The following DPP10 variants were observed in gnomAD, a reference collection of about 807,000 sequenced individuals.
DPP10 encodes inactive dipeptidyl peptidase 10.
In DPP10, 33 loss-of-function variants were observed where a neutral mutation model predicts 120.9. The ratio of observed to expected loss-of-function variants is 0.27; its 90% CI spans 0.21 to 0.37. The LOEUF is 0.37. Among genes scored for constraint, DPP10 ranks in the 10% least tolerant of loss-of-function variants. DPP10 has a pLI of 1.00. For synonymous variants in DPP10, 337 were observed against 326.1 expected (o/e 1.03, Z -0.36); for missense variants, 816 against 942.8 (o/e 0.87, Z 1.76).
chr2:115,328,405 A>G (rs1233515298), intron 2 of DPP10, among the ~76,000 whole-genome samples: 1 of 152,084 alleles, frequency 6.6e-6, no homozygotes, highest in Non-Finnish European at 1.5e-5. Flanking sequence ...ACTATGAGTA[A>G]ATCCTAAAGC....
At chr2:115,291,575 G>A (rs1010057526) in intron 1 of DPP10, among the ~76,000 whole-genome samples, 3 of 152,042 alleles carry the variant, frequency 2.0e-5, no homozygotes, top group African/African-American at 7.2e-5. Flanking sequence ...TATATGCCCA[G>A]TGTATCAATA....
intron 5 of DPP10, among the ~76,000 whole-genome samples, chr2:115,660,655 C>CTTTTTTTTTTTTTTTTTTCTTTTT (rs2088853196): frequency 4.0e-5 from 1 of 25,314 alleles, no homozygotes; most frequent in Non-Finnish European, 8.7e-5. Flanking sequence ...CTCTGTCTGG[C>CTTTTTTTTTTTTTTTTTTCTTTTT]TTTTTTTTTT....
At chr2:114,688,026 T>G (rs560721788) in intron 1 of DPP10, among the ~76,000 whole-genome samples, 2 of 152,138 alleles carry the variant, frequency 1.3e-5, no homozygotes, top group South Asian at 4.1e-4. Context: ...TAGCACTTTG[T>G]CACTCAATAT....
intron 1 of DPP10, among the ~76,000 whole-genome samples, chr2:114,907,015 A>C (rs1310657013): frequency 6.6e-6 from 1 of 152,138 alleles, no homozygotes; most frequent in Non-Finnish European, 1.5e-5. Context: ...GATTTGTTTC[A>C]ATCCATTCAG....
At chr2:115,231,235 C>G (rs985120531) in intron 1 of DPP10, among the ~76,000 whole-genome samples, 1 of 151,734 alleles carries the variant, frequency 6.6e-6, no homozygotes, top group Non-Finnish European at 1.5e-5. Context: ...AGTTATGAAG[C>G]CTAAAAAATT....
chr2:115,663,143 TACAA>T (rs1326223843), intron 5 of DPP10, among the ~76,000 whole-genome samples: 1 of 152,172 alleles, frequency 6.6e-6, no homozygotes, highest in Non-Finnish European at 1.5e-5. Flanking sequence ...TCCTTTGAGT[TACAA>T]ACAATCCAAT....
intron 1 of DPP10, among the ~76,000 whole-genome samples, chr2:115,269,856 G>A (rs1467416163): frequency 6.6e-6 from 1 of 152,036 alleles, no homozygotes; most frequent in African/African-American, 2.4e-5. Context: ...GCCTATCAAA[G>A]TACTTACCCT....
At chr2:115,236,293 T>C (rs2058005102) in intron 1 of DPP10, among the ~76,000 whole-genome samples, 1 of 152,226 alleles carries the variant, frequency 6.6e-6, no homozygotes, top group Non-Finnish European at 1.5e-5. Flanking sequence ...TCTTTCAGAA[T>C]ATACCATGGA....
At chr2:115,785,370 C>A (rs1683214040) in intron 17 of DPP10, among the ~76,000 whole-genome samples, 1 of 152,180 alleles carries the variant, frequency 6.6e-6, no homozygotes, top group Non-Finnish European at 1.5e-5. Flanking sequence ...GGGTAGGAAT[C>A]CCTTCCCCTT....
intron 3 of DPP10, among the ~76,000 whole-genome samples, chr2:115,485,759 C>T (rs1239003066): frequency 1.3e-5 from 2 of 152,064 alleles, no homozygotes; most frequent in Admixed American, 6.6e-5. Context: ...CAAAATTCTT[C>T]AATACTACTC....
intron 1 of DPP10, among the ~76,000 whole-genome samples, chr2:115,165,302 A>G (rs1457472636): frequency 2.6e-5 from 4 of 152,192 alleles, no homozygotes; most frequent in Non-Finnish European, 4.4e-5. Flanking sequence ...TAAGGAAGTT[A>G]TTGTGGAAGT....
chr2:114,769,398 T>C (rs1423393735), intron 1 of DPP10, among the ~76,000 whole-genome samples: 1 of 152,076 alleles, frequency 6.6e-6, no homozygotes, highest in Non-Finnish European at 1.5e-5. Context: ...AGTGGTGGTG[T>C]GATATTGAAA....
chr2:115,748,686 T>A (rs1678326084), intron 10 of DPP10, among the ~76,000 whole-genome samples: 1 of 152,124 alleles, frequency 6.6e-6, no homozygotes, highest in Non-Finnish European at 1.5e-5. Context: ...TGTTTATCAC[T>A]GTAATAGAAA....
chr2:115,504,294 T>TTA (rs397985562), intron 4 of DPP10, among the ~76,000 whole-genome samples: 1 of 150,462 alleles, frequency 6.6e-6, no homozygotes, highest in African/African-American at 2.4e-5. Flanking sequence ...TTTTTTTTTT[T>TTA]ACTAGGAAGC....
At chr2:115,238,112 A>G (rs2058088808) in intron 1 of DPP10, among the ~76,000 whole-genome samples, 1 of 152,192 alleles carries the variant, frequency 6.6e-6, no homozygotes, top group Non-Finnish European at 1.5e-5. Context: ...CTCTCTTCAA[A>G]GCTTCAAAGG....
intron 1 of DPP10, among the ~76,000 whole-genome samples, chr2:115,169,887 A>G (rs2053187440): frequency 6.6e-6 from 1 of 152,176 alleles, no homozygotes; most frequent in South Asian, 2.1e-4. Context: ...AAAAGGGAGG[A>G]TAAAAGCTAT....
chr2:114,939,391 A>C (rs552363986), intron 1 of DPP10, among the ~76,000 whole-genome samples: 2 of 152,096 alleles, frequency 1.3e-5, no homozygotes, highest in South Asian at 2.1e-4. Context: ...TTATATACTA[A>C]ATTTTTTAAA....
At chr2:115,169,364 A>G (rs1010339570) in intron 1 of DPP10, among the ~76,000 whole-genome samples, 23 of 152,152 alleles carry the variant, frequency 1.5e-4, no homozygotes, top group African/African-American at 5.5e-4. Flanking sequence ...TCTTTTACAA[A>G]AGTAAATTTG....
chr2:114,587,022 G>T (rs1210813223), intron 1 of DPP10, among the ~76,000 whole-genome samples: 2 of 152,126 alleles, frequency 1.3e-5, no homozygotes, highest in South Asian at 2.1e-4. Context: ...CCTAGGCCGG[G>T]TGCAGTGGCT....
Sources: allele counts gnomAD v4.1 joint callset (sites outside exome capture counted in the v4.1 genomes callset), GRCh38; gene constraint gnomAD v4.1.1; transcripts MANE v1.5; gene names NCBI Gene and HGNC (gene_info 2026-07-23, HGNC 2026-07-21).